The following MYH15 variants were observed in gnomAD, a reference collection of about 807,000 sequenced individuals.
The protein encoded by MYH15 is myosin heavy chain 15.
In MYH15, 227 loss-of-function variants were observed where a neutral mutation model predicts 240.5. The observed-to-expected ratio is 0.94, with a 90% CI of 0.85 to 1.05. The LOEUF (loss-of-function observed/expected upper bound fraction) is 1.05. Among genes scored for constraint, MYH15 ranks in the 50% least tolerant of loss-of-function variants. MYH15 has a pLI of 0.00. For synonymous variants in MYH15, 785 were observed against 796.7 expected (o/e 0.99, Z 0.25); for missense variants, 2,217 against 2,247.5 (o/e 0.99, Z 0.27).
At chr3:108,514,274 T>C (rs2083543598), upstream of MYH15, among the ~76,000 whole-genome samples, 1 of 152,126 alleles carries the variant, frequency 6.6e-6, no homozygotes, top group Admixed American at 6.6e-5. Flanking sequence ...CTAGAACAAG[T>C]TGGTCAACCT....
chr3:108,440,148 T>C (rs2082873659), intron 23 of MYH15, among the ~76,000 whole-genome samples: 1 of 152,220 alleles, frequency 6.6e-6, no homozygotes, highest in African/African-American at 2.4e-5. Context: ...TAAACATTAA[T>C]ATGGGTAAAT....
chr3:108,498,478 A>C (rs1322287106), intron 5 of MYH15, among the ~76,000 whole-genome samples: 2 of 152,200 alleles, frequency 1.3e-5, no homozygotes, highest in East Asian at 1.9e-4. Flanking sequence ...CAGCTGTTCA[A>C]GAGATTTTCA....
chr3:108,516,095 A>C (rs2083570465), intron 1 of MYH15, among the ~76,000 whole-genome samples: 1 of 152,134 alleles, frequency 6.6e-6, no homozygotes, highest in Non-Finnish European at 1.5e-5. Context: ...ATAAGCAGAA[A>C]CTCAAATGAT....
Position 108,384,747 on chromosome 3 carries a change from T to A in MYH15, c.5571A>T (p.Gln1857His), listed in dbSNP as rs374175389. 4.3e-6 allele frequency: 7 copies of A among 1,613,854 alleles called. No homozygotes were observed. The highest frequency in any genetic ancestry group is 3.3e-4 in the Middle Eastern group (2 of 6,056). ...EEDKKNLSRM[Q>H]TQMDKLQLKV... ...TTAGCTGAAGTTTATCCATCTGAGT[T>A]TGCATCCTGCTCAGATTCTTCTTGT... Residue 1857 changes from glutamine (Q) to histidine (H), a missense_variant, in exon 39 of 41, where the codon CAA becomes CAT. Physicochemically the swap from Gln to His is conservative, Grantham distance 24. Transcript: ENST00000693548.
At position 108,484,038 on chromosome 3, in the gene MYH15, G is replaced by T. The variant is rs1025172763; in HGVS notation, c.1114+1053C>A. ...ACACAACAATGTGAATGTTCTTCAT[G>T]CCACTGAACTGTACACTGAAACATG... On this transcript the variant is annotated intron_variant, in intron 11 of 40. Transcript: ENST00000693548. Among the ~76,000 whole-genome samples, 3 of 152,146 alleles carry T rather than the reference G, an allele frequency of 2.0e-5. No homozygotes were observed. In the East Asian group the frequency reaches 5.8e-4, roughly 29 times the overall value.
Position 108,463,237 on chromosome 3 carries a change from A to G in MYH15, c.1738T>C (p.Tyr580His). 6.2e-7 allele frequency: 1 copy of G among 1,605,456 alleles called. No individual in the cohort carries two copies. Among genetic ancestry groups the G allele is most frequent in the Non-Finnish European group, 8.5e-7 (1 of 1,177,708 alleles). Residue 580 changes from tyrosine (Y) to histidine (H), a missense_variant, in exon 16 of 41, where the codon TAT becomes CAT. Transcript: ENST00000693548. Reference protein sequence around the residue: ...ELVHYAGVVPYNISGWLEKNK... With the variant: ...ELVHYAGVVPHNISGWLEKNK... ...TTTTCCAGCCAACCACTGATATTAT[A>G]AGGTACCTTTGGAAAGGCATGCATT... is the stretch of plus-strand genomic sequence containing the variant.
intron 33 of MYH15, among the ~76,000 whole-genome samples, chr3:108,403,001 ATTAT>A (rs1054906138): frequency 1.3e-5 from 2 of 152,200 alleles, no homozygotes; most frequent in Non-Finnish European, 1.5e-5. Flanking sequence ...CAACTATAAC[ATTAT>A]TTATTTATTA....
At chr3:108,425,623 C>T (rs2082719577) in intron 27 of MYH15, among the ~76,000 whole-genome samples, 1 of 152,036 alleles carries the variant, frequency 6.6e-6, no homozygotes, top group South Asian at 2.1e-4. Context: ...AAACCAGGTG[C>T]CAGTGACAGA....
intron 12 of MYH15, among the ~76,000 whole-genome samples, chr3:108,471,817 T>C (rs1444936046): frequency 1.3e-5 from 2 of 152,128 alleles, no homozygotes; most frequent in Middle Eastern, 3.2e-3. Flanking sequence ...TTCAGAATAT[T>C]TGTAATACTA....
intron 25 of MYH15, among the ~76,000 whole-genome samples, chr3:108,432,897 T>C (rs1374610717): frequency 6.6e-6 from 1 of 152,180 alleles, no homozygotes; most frequent in Admixed American, 6.5e-5. Flanking sequence ...GAACCTCTGC[T>C]ATAGCAGTGT....
upstream of MYH15, among the ~76,000 whole-genome samples, chr3:108,514,963 T>C (rs1227435743): frequency 6.6e-6 from 1 of 152,124 alleles, no homozygotes; most frequent in African/African-American, 2.4e-5. Flanking sequence ...TCGTCAACTT[T>C]TATTGATAAT....
intron 16 of MYH15, chr3:108,461,738 A>G (rs993457606): frequency 3.3e-5 from 5 of 152,278 alleles, no homozygotes; most frequent in East Asian, 1.9e-4. Context: ...TCCAGTCACA[A>G]TAGCTTCCAT....
At chr3:108,457,741 A>G (rs1262597453) in intron 18 of MYH15, among the ~76,000 whole-genome samples, 1 of 152,274 alleles carries the variant, frequency 6.6e-6, no homozygotes, top group Non-Finnish European at 1.5e-5. Flanking sequence ...GATGTATAAG[A>G]AGGCACAAGT....
intron 1 of MYH15, among the ~76,000 whole-genome samples, chr3:108,519,050 C>T (rs560036757): frequency 6.6e-6 from 1 of 152,136 alleles, no homozygotes; most frequent in Non-Finnish European, 1.5e-5. Flanking sequence ...TGAGTCCTTG[C>T]TCTTAAGCAT....
intron 11 of MYH15, among the ~76,000 whole-genome samples, chr3:108,481,638 T>C (rs1041427334): frequency 2.0e-5 from 3 of 151,968 alleles, no homozygotes; most frequent in Non-Finnish European, 2.9e-5. Context: ...AGTCCTGCAA[T>C]AGGAGTGCTT....
intron 25 of MYH15, among the ~76,000 whole-genome samples, chr3:108,434,195 T>G (rs2082809839): frequency 1.3e-5 from 2 of 149,842 alleles, no homozygotes; most frequent in African/African-American, 4.9e-5. Context: ...GAATGGTTTT[T>G]TTTTTTTTTT....
At chr3:108,422,415 A>G (rs1329137097) in intron 27 of MYH15, among the ~76,000 whole-genome samples, 2 of 151,922 alleles carry the variant, frequency 1.3e-5, no homozygotes, top group Non-Finnish European at 2.9e-5. Flanking sequence ...ATGGGGTTTC[A>G]CCATTTTGGT....
intron 33 of MYH15, among the ~76,000 whole-genome samples, chr3:108,403,204 G>T (rs1196807430): frequency 6.6e-6 from 1 of 152,172 alleles, no homozygotes; most frequent in Non-Finnish European, 1.5e-5. Flanking sequence ...TCAGAATCAG[G>T]CCTCACCAGA....
At chr3:108,547,080 C>CATAT in the MYH15 span, among the ~76,000 whole-genome samples, 1,222 of 148,952 alleles carry the variant, frequency 8.2e-3, 17 homozygotes, top group African/African-American at 0.028. Flanking sequence ...AAAAATAGGC[C>CATAT]ATATATATAT....
Sources: gnomAD v4.1 joint callset for allele counts (sites outside exome capture counted in the v4.1 genomes callset) on GRCh38, gnomAD v4.1.1 for gene constraint, MANE v1.5 for transcripts, NCBI Gene and HGNC (gene_info 2026-07-23, HGNC 2026-07-21) for gene names.